The following BTBD8 variants were observed in gnomAD, a reference collection of about 807,000 sequenced individuals.
BTBD8 encodes the protein BTB/POZ domain-containing protein 8.
Under a neutral mutation model 162.9 loss-of-function variants are expected in BTBD8, and 110 were observed. That is an observed-to-expected ratio of 0.68 (90% CI 0.58 to 0.79). The LOEUF (loss-of-function observed/expected upper bound fraction) is 0.79, where lower values mean the gene tolerates loss of function less well. BTBD8 is among the 30% of genes least tolerant of loss of function. BTBD8 has a pLI of 0.00. For missense variants in BTBD8, 1,905 were observed against 2,085.4 expected, an observed-to-expected ratio of 0.91 and a Z score of 1.68; for synonymous variants, 667 against 716.1, an observed-to-expected ratio of 0.93 and a Z score of 1.10.
Position 92,136,342 on chromosome 1 carries a change from CT to C in BTBD8, c.753-2994del, listed in dbSNP as rs903844214. On this transcript the variant is annotated intron_variant, in intron 5 of 17. Transcript: ENST00000636805. ...TTTCTGGGACTCCACTTATTTTCTT[CT>C]TTTTTTTTTTTTTCTTTTTATGAAC... 1.3e-3 allele frequency among the ~76,000 whole-genome samples: 188 copies of C among 141,538 alleles called. 1 individual carries two copies. The highest frequency in any genetic ancestry group is 3.6e-3 in the Middle Eastern group (1 of 274). The allele number at this position is 141,538 out of a possible 152,430, so 92.9% of individuals were successfully genotyped here.
chr1:92,154,585 T>G (rs1650117222), intron 9 of BTBD8, among the ~76,000 whole-genome samples: 1 of 152,218 alleles, frequency 6.6e-6, no homozygotes, highest in Non-Finnish European at 1.5e-5. Context: ...TATGTCATCT[T>G]TGGTGAAATG....
At chr1:92,108,570 G>A (rs184199672) in intron 4 of BTBD8, among the ~76,000 whole-genome samples, 1 of 152,192 alleles carries the variant, frequency 6.6e-6, no homozygotes, top group Non-Finnish European at 1.5e-5. Flanking sequence ...TCAGAATTGG[G>A]TTGCTTAGAC....
intron 1 of BTBD8, among the ~76,000 whole-genome samples, chr1:92,087,432 T>G (rs1160871258): frequency 6.6e-6 from 1 of 152,248 alleles, no homozygotes; most frequent in Non-Finnish European, 1.5e-5. Flanking sequence ...AATAATTTAT[T>G]GAAAATATTG....
chr1:92,121,331 G>A (rs867916721), intron 4 of BTBD8, among the ~76,000 whole-genome samples: 36 of 152,086 alleles, frequency 2.4e-4, no homozygotes, highest in Middle Eastern at 3.2e-3. Flanking sequence ...GAGACAGATC[G>A]GCCTGTAATT....
At chr1:92,113,885 G>T (rs1570725575) in intron 4 of BTBD8, among the ~76,000 whole-genome samples, 1 of 151,914 alleles carries the variant, frequency 6.6e-6, no homozygotes, top group East Asian at 1.9e-4. Flanking sequence ...AGTGGCATGT[G>T]CCTGTAGTCC....
chr1:92,178,471 G>A lies in BTBD8; in HGVS notation c.2581+20G>A, dbSNP rs775847218. On this transcript the variant is annotated intron_variant, in intron 16 of 17. Coordinates refer to ENST00000636805, the MANE Select transcript of BTBD8 (RefSeq NM_001376131.1). ...CTCAAGGTAAAGCTGAAATAGTACT[G>A]GATATCTTGAAATTATTTCCTTGTG... is the stretch of plus-strand genomic sequence containing the variant. 6.5e-7 allele frequency: 1 copy of A among 1,527,526 alleles called. No homozygotes were observed. Among genetic ancestry groups the A allele is most frequent in the South Asian group, 1.3e-5 (1 of 79,946 alleles). The allele number at this position is 1,527,526 out of a possible 1,614,324, so 94.6% of individuals were successfully genotyped here.
chr1:92,127,304 G>T (rs1268295764), intron 4 of BTBD8, among the ~76,000 whole-genome samples: 1 of 142,866 alleles, frequency 7.0e-6, no homozygotes, highest in African/African-American at 2.6e-5. Flanking sequence ...AGAATTCGAG[G>T]TCTACACTCC....
At chr1:92,166,466 C>T (rs1259646801) in intron 9 of BTBD8, among the ~76,000 whole-genome samples, 1 of 148,114 alleles carries the variant, frequency 6.8e-6, no homozygotes, top group Non-Finnish European at 1.5e-5. Context: ...GCTCTGTCAC[C>T]CAGGCCGGAG....
At chr1:92,082,943 G>A (rs1648059212) in intron 1 of BTBD8, among the ~76,000 whole-genome samples, 1 of 152,116 alleles carries the variant, frequency 6.6e-6, no homozygotes, top group Non-Finnish European at 1.5e-5. Flanking sequence ...AATCCTGTGA[G>A]GTAAGTCTTG....
intron 13 of BTBD8, among the ~76,000 whole-genome samples, chr1:92,175,477 C>CAAAAAAAAAAA (rs71091265): frequency 6.7e-4 from 25 of 37,440 alleles, no homozygotes; most frequent in Admixed American, 9.9e-4. Context: ...GACTCCATCT[C>CAAAAAAAAAAA]AAAAAAAAAA....
At chr1:92,171,028 C>T (rs1263022102) in intron 12 of BTBD8, among the ~76,000 whole-genome samples, 1 of 151,744 alleles carries the variant, frequency 6.6e-6, no homozygotes, top group African/African-American at 2.4e-5. Context: ...TAGAATGTTA[C>T]ATTTGCTATA....
At chr1:92,175,305 C>T (rs1456501713) in intron 13 of BTBD8, among the ~76,000 whole-genome samples, 4 of 151,478 alleles carry the variant, frequency 2.6e-5, no homozygotes, top group Non-Finnish European at 5.9e-5. Flanking sequence ...ATGGTGAAAC[C>T]CCGTCTCTAC....
chr1:92,123,947 AGGGCTT>A (rs2101923344), intron 4 of BTBD8, among the ~76,000 whole-genome samples: 1 of 152,052 alleles, frequency 6.6e-6, no homozygotes, highest in Admixed American at 6.6e-5. Context: ...AAGTCTAATA[AGGGCTT>A]GTCTATTTCC....
intron 2 of BTBD8, among the ~76,000 whole-genome samples, chr1:92,100,009 T>A (rs1280901935): frequency 6.6e-6 from 1 of 152,198 alleles, no homozygotes; most frequent in East Asian, 1.9e-4. Flanking sequence ...GGATGTCCTT[T>A]ATCAAGTTGA....
At chr1:92,139,096 G>A (rs1446808325) in intron 5 of BTBD8, among the ~76,000 whole-genome samples, 1 of 152,208 alleles carries the variant, frequency 6.6e-6, no homozygotes, top group Non-Finnish European at 1.5e-5. Context: ...CTTTAAAAGT[G>A]TATGGTAGAA....
intron 1 of BTBD8, among the ~76,000 whole-genome samples, chr1:92,087,046 G>T (rs764765554): frequency 1.3e-5 from 2 of 152,096 alleles, no homozygotes; most frequent in Admixed American, 6.5e-5. Context: ...TTTACTATTC[G>T]ATGGGCCAAT....
chr1:92,115,450 C>T (rs1009217802), intron 4 of BTBD8: 105 of 487,050 alleles, frequency 2.2e-4, no homozygotes, highest in African/African-American at 1.9e-3. Context: ...GAGGTAATGA[C>T]CCTTTTGGCT....
chr1:92,173,646 A>G (rs1650623349), intron 13 of BTBD8, among the ~76,000 whole-genome samples: 1 of 152,216 alleles, frequency 6.6e-6, no homozygotes, highest in Non-Finnish European at 1.5e-5. Flanking sequence ...TTCCCCCAGA[A>G]AGACAGTGAT....
chr1:92,080,488 G>T lies in BTBD8; in HGVS notation c.-84G>T. ...GGATTTGGGTAGGAGCCGAGCGTTCGGTCGGAAACGCCCCCTTCTTCCTCC... is the reference window on the plus strand; with the variant it reads ...GGATTTGGGTAGGAGCCGAGCGTTCTGTCGGAAACGCCCCCTTCTTCCTCC... On this transcript the variant is annotated 5_prime_UTR_variant, in exon 1 of 18. Coordinates refer to ENST00000636805, the MANE Select transcript of BTBD8 (RefSeq NM_001376131.1). The T allele has an allele frequency of 6.4e-7, 1 of 1,562,310 alleles. No individual in the cohort carries two copies. Among genetic ancestry groups the T allele is most frequent in the East Asian group, 2.3e-5 (1 of 43,368 alleles).
Sources: allele counts gnomAD v4.1 joint callset (sites outside exome capture counted in the v4.1 genomes callset), GRCh38; gene constraint gnomAD v4.1.1; transcripts MANE v1.5; gene names NCBI Gene and HGNC (gene_info 2026-07-23, HGNC 2026-07-21).